Variants in ARHGAP10 observed in about 807,000 individuals in gnomAD.
The protein encoded by ARHGAP10 is rho GTPase-activating protein 10.
A neutral mutation model predicts 108.6 loss-of-function variants in ARHGAP10; 87 were observed. That is an observed-to-expected ratio of 0.80 (90% CI 0.67 to 0.96). ARHGAP10 has a LOEUF of 0.96. ARHGAP10 is among the 40% of genes least tolerant of loss of function. The pLI is 0.00. For synonymous variants in ARHGAP10, 347 were observed against 341.1 expected (o/e 1.02, Z -0.19); for missense variants, 939 against 954.5 (o/e 0.98, Z 0.21).
chr4:147,753,916 C>G (rs985276615), intron 1 of ARHGAP10, among the ~76,000 whole-genome samples: 3 of 152,142 alleles, frequency 2.0e-5, no homozygotes, highest in Non-Finnish European at 4.4e-5. Flanking sequence ...ACAAATTGAG[C>G]AAAGATGATG....
intron 7 of ARHGAP10, among the ~76,000 whole-genome samples, chr4:147,870,336 C>A (rs976820844): frequency 6.6e-6 from 1 of 152,136 alleles, no homozygotes; most frequent in Non-Finnish European, 1.5e-5. Context: ...GTTGGGATTA[C>A]AGGCGTGAGC....
intron 4 of ARHGAP10, among the ~76,000 whole-genome samples, chr4:147,856,834 T>A (rs568939408): frequency 6.6e-6 from 1 of 152,320 alleles, no homozygotes; most frequent in Non-Finnish European, 1.5e-5. Flanking sequence ...TGTATTATGA[T>A]TTTTTGAAAA....
At chr4:147,908,855 T>C (rs1377832427) in intron 11 of ARHGAP10, among the ~76,000 whole-genome samples, 9 of 152,200 alleles carry the variant, frequency 5.9e-5, no homozygotes, top group African/African-American at 2.2e-4. Flanking sequence ...TTATTTTTGC[T>C]CATTTGGTAT....
intron 14 of ARHGAP10, among the ~76,000 whole-genome samples, chr4:147,943,507 A>G (rs911023386): frequency 4.6e-5 from 7 of 152,226 alleles, no homozygotes; most frequent in African/African-American, 1.7e-4. Flanking sequence ...GGGTGCTAGC[A>G]GCTGCATAAA....
chr4:148,018,567 A>G (rs1741436055), intron 18 of ARHGAP10, among the ~76,000 whole-genome samples: 1 of 149,714 alleles, frequency 6.7e-6, no homozygotes, highest in African/African-American at 2.5e-5. Context: ...ATGGCTTTGT[A>G]TCCACAAAAA....
chr4:147,761,127 C>T (rs1017193353), intron 1 of ARHGAP10, among the ~76,000 whole-genome samples: 1 of 151,902 alleles, frequency 6.6e-6, no homozygotes, highest in Admixed American at 6.6e-5. Context: ...AGCAATCCTC[C>T]TGCCTCAGCC....
chr4:147,948,539 G>T (rs1272214157), intron 15 of ARHGAP10, among the ~76,000 whole-genome samples: 1 of 151,994 alleles, frequency 6.6e-6, no homozygotes, highest in Admixed American at 6.6e-5. Flanking sequence ...TGATGAACCT[G>T]GGTCATTTTT....
chr4:147,875,312 A>G (rs1460290365), intron 8 of ARHGAP10, among the ~76,000 whole-genome samples, 162 bp downstream of exon 8: 1 of 152,184 alleles, frequency 6.6e-6, no homozygotes, highest in African/African-American at 2.4e-5. Flanking sequence ...TTTAGGAGAA[A>G]CACATTCCAG....
At chr4:147,913,715 A>G (rs1053957448) in intron 13 of ARHGAP10, among the ~76,000 whole-genome samples, 1 of 152,162 alleles carries the variant, frequency 6.6e-6, no homozygotes, top group Non-Finnish European at 1.5e-5. Flanking sequence ...TAGGGCTTCT[A>G]CATAAGAATT....
chr4:147,842,935 A>G (rs1449568870), intron 3 of ARHGAP10, among the ~76,000 whole-genome samples: 1 of 152,244 alleles, frequency 6.6e-6, no homozygotes, highest in Non-Finnish European at 1.5e-5. Flanking sequence ...TGTTTCTCTA[A>G]GAAGTGTTGT....
chr4:147,914,205 G>A (rs1736864865), intron 13 of ARHGAP10, among the ~76,000 whole-genome samples: 1 of 152,168 alleles, frequency 6.6e-6, no homozygotes. Flanking sequence ...ACAATTCACT[G>A]ATTTCAGCTG....
At chr4:147,992,211 CT>C (rs1740302837) in intron 18 of ARHGAP10, among the ~76,000 whole-genome samples, 1 of 152,106 alleles carries the variant, frequency 6.6e-6, no homozygotes, top group African/African-American at 2.4e-5. Flanking sequence ...CCTTCCACCC[CT>C]AAGCCTGATT....
chr4:148,058,625 G>A (rs988882607), intron 20 of ARHGAP10, among the ~76,000 whole-genome samples: 5 of 152,160 alleles, frequency 3.3e-5, no homozygotes, highest in South Asian at 2.1e-4. Context: ...GTGATCTGTC[G>A]CTGCCAGAAT....
chr4:147,966,210 C>A (rs1337253242), intron 17 of ARHGAP10, among the ~76,000 whole-genome samples: 1 of 152,160 alleles, frequency 6.6e-6, no homozygotes, highest in Non-Finnish European at 1.5e-5. Context: ...TAAACTAAGG[C>A]TTTTGGGGGA....
intron 18 of ARHGAP10, among the ~76,000 whole-genome samples, chr4:147,992,004 T>C (rs1000988812): frequency 6.6e-6 from 1 of 152,206 alleles, no homozygotes; most frequent in Non-Finnish European, 1.5e-5. Flanking sequence ...AACTTCAGTG[T>C]GGAGCCTGGG....
At chr4:147,992,685 C>T (rs539405797) in intron 18 of ARHGAP10, among the ~76,000 whole-genome samples, 4 of 152,258 alleles carry the variant, frequency 2.6e-5, no homozygotes, top group East Asian at 1.9e-4. Context: ...GGATTACAGA[C>T]GTGAGCCATT....
chr4:147,995,726 T>C (rs777741067), intron 18 of ARHGAP10, among the ~76,000 whole-genome samples: 22 of 151,928 alleles, frequency 1.4e-4, no homozygotes, highest in Non-Finnish European at 2.8e-4. Context: ...CTCTCTCTCT[T>C]TTTTTTTCAT....
intron 19 of ARHGAP10, among the ~76,000 whole-genome samples, chr4:148,033,749 GA>G (rs1275830941): frequency 3.3e-5 from 5 of 152,210 alleles, no homozygotes; most frequent in Admixed American, 6.5e-5. Context: ...AGTCTAGAAA[GA>G]AAGGGAATGG....
chr4:147,912,548 AAT>A lies in ARHGAP10; in HGVS notation c.1163-476_1163-475del, dbSNP rs59663731. On this transcript the variant is annotated intron_variant, in intron 12 of 22. Transcript: ENST00000336498. ...AAAACAAAAAACAAACAAACAAACA[AAT>A]ATATATATATATATATATATATATA... Among the ~76,000 whole-genome samples the A allele has an allele frequency of 1.3e-3, 152 of 119,952 alleles. 1 individual carries two copies. The highest frequency in any genetic ancestry group is 4.3e-3 in the African/African-American group (114 of 26,234). 78.7% of individuals were successfully genotyped at this position (119,952 alleles called of 152,430 possible).
Sources: allele counts gnomAD v4.1 joint callset (sites outside exome capture counted in the v4.1 genomes callset), GRCh38; gene constraint gnomAD v4.1.1; transcripts MANE v1.5; gene names NCBI Gene and HGNC (gene_info 2026-07-23, HGNC 2026-07-21).